The following CCDC34 variants were observed in gnomAD, a reference collection of about 807,000 sequenced individuals.
The protein encoded by CCDC34 is coiled-coil domain-containing protein 34.
CCDC34 carries 40 observed loss-of-function variants against 44.1 expected under a neutral mutation model. That is an observed-to-expected ratio of 0.91 (90% CI 0.70 to 1.18). CCDC34 has a LOEUF of 1.18. CCDC34 is among the 50% of genes most tolerant of loss of function. The pLI is 0.00. For synonymous variants in CCDC34, 159 were observed against 158.2 expected, an observed-to-expected ratio of 1.01 and a Z score of -0.04; for missense variants, 466 against 452.3, an observed-to-expected ratio of 1.03 and a Z score of -0.28.
rs773496815 is a variant in CCDC34 at position 27,341,461 on chromosome 11, T to G, written c.696A>C (p.Ala232=). 1.4e-6 allele frequency: 2 copies of G among 1,458,830 alleles called. No individual in the cohort carries two copies. Among genetic ancestry groups the G allele is most frequent in the Non-Finnish European group, 9.3e-7 (1 of 1,076,704 alleles). 90.4% of individuals were successfully genotyped at this position (1,458,830 alleles called of 1,614,324 possible). A position where few individuals can be genotyped will look rare whatever the true frequency, so the allele number is the denominator to read the frequency against. ...ELEKEYLQEK[A]KEKYQEWLKK... is the part of the protein sequence containing the mutation. ...TTAACCATTCTTGATATTTTTCTTT[T>G]GCTTTTTCTTGCAAGTATTCTTTCT... The change falls in exon 4 of 6, where the codon GCA becomes GCC. Residue 232 remains alanine (A), a synonymous_variant. Coordinates refer to ENST00000328697, the MANE Select transcript of CCDC34 (RefSeq NM_030771.2).
chr11:27,343,212 C>A (rs1862385875), intron 3 of CCDC34, among the ~76,000 whole-genome samples: 1 of 152,050 alleles, frequency 6.6e-6, no homozygotes, highest in Admixed American at 6.6e-5. Context: ...ACCAGGCTGG[C>A]CAACGTGGTG....
At chr11:27,360,977 TG>T (rs1365219216) in intron 1 of CCDC34, among the ~76,000 whole-genome samples, 3 of 152,222 alleles carry the variant, frequency 2.0e-5, no homozygotes, top group Non-Finnish European at 1.5e-5. Context: ...CTACCTTTCC[TG>T]AAAGGAAGTG....
chr11:27,356,882 TGGGGGTGGTGGGGTG>T (rs1862583599), intron 2 of CCDC34, among the ~76,000 whole-genome samples: 1 of 41,096 alleles, frequency 2.4e-5, no homozygotes, highest in African/African-American at 9.6e-5. Context: ...GGGGTGGGGT[TGGGGGTGGTGGGGTG>T]GGGTGGGGTT....
chr11:27,338,954 T>G lies in CCDC34; in HGVS notation c.989A>C (p.Lys330Thr), dbSNP rs768477519. Residue 330 changes from lysine to threonine, a missense_variant, in exon 6 of 6, where the codon AAA (lysine) becomes ACA (threonine). Lys to Thr is a moderately conservative substitution (Grantham distance 78, BLOSUM62 -1). Coordinates refer to ENST00000328697, the MANE Select transcript of CCDC34 (RefSeq NM_030771.2). The part of the protein sequence containing the change: ...PWKPIHMPPP[K>T]EAKDLSGRKS... ...CCTTCCTGATAGATCCTTAGCTTCT[T>G]TGGGAGGTGGCATATGAATTGGTTT... The G allele has an allele frequency of 6.2e-7, 1 of 1,613,906 alleles. No individual in the cohort carries two copies. Among genetic ancestry groups the G allele is most frequent in the Non-Finnish European group, 8.5e-7 (1 of 1,179,910 alleles).
intron 4 of CCDC34, among the ~76,000 whole-genome samples, chr11:27,341,107 G>C (rs2134228673): frequency 6.6e-6 from 1 of 152,294 alleles, no homozygotes; most frequent in East Asian, 1.9e-4. Context: ...TAAAATGGCA[G>C]TAAGACTTCC....
intron 3 of CCDC34, among the ~76,000 whole-genome samples, chr11:27,342,291 CTATATATATATA>C (rs34284661): frequency 7.2e-6 from 1 of 139,236 alleles, no homozygotes; most frequent in Admixed American, 7.4e-5. Context: ...AAAACAGGGG[CTATATATATATA>C]TATATATATA....
In CCDC34 at chr11:27,363,053, C is replaced by A. The variant is rs770585573; in HGVS notation, c.142G>T (p.Val48Leu). The change falls in exon 1 of 6, where the codon GTG becomes TTG. Residue 48 changes from valine (V) to leucine (L), a missense_variant. Coordinates refer to ENST00000328697, the MANE Select transcript of CCDC34 (RefSeq NM_030771.2). ...GGCAGCGGCGGCGACGGCGAGCGCA[C>A]CACCTCCAGCCCCTGCCCACGTGCG... ...TGARGQGLEV[V>L]RSPSPPLPLS... 6 of 1,613,378 alleles carry A rather than the reference C, an allele frequency of 3.7e-6. No homozygotes were observed. In the East Asian group the frequency reaches 8.9e-5, roughly 24 times the overall value.
chr11:27,360,929 A>G (rs946436638), intron 1 of CCDC34, among the ~76,000 whole-genome samples: 7 of 152,210 alleles, frequency 4.6e-5, no homozygotes, highest in Admixed American at 3.3e-4. Flanking sequence ...GAATGTTAGG[A>G]CCAATGGAGA....
intron 1 of CCDC34, among the ~76,000 whole-genome samples, chr11:27,357,743 A>C (rs888687236): frequency 6.6e-6 from 1 of 152,232 alleles, no homozygotes; most frequent in Non-Finnish European, 1.5e-5. Context: ...TTTACCTATC[A>C]AACTGCCTTT....
chr11:27,340,346 G>GA (rs1472416030), intron 5 of CCDC34, among the ~76,000 whole-genome samples: 1 of 152,190 alleles, frequency 6.6e-6, no homozygotes, highest in Non-Finnish European at 1.5e-5. Flanking sequence ...CTGCCTTAGA[G>GA]AGGGTTAGAA....
intron 2 of CCDC34, among the ~76,000 whole-genome samples, chr11:27,356,581 T>C (rs565650069): frequency 2.0e-5 from 3 of 151,902 alleles, no homozygotes; most frequent in East Asian, 2.0e-4. Flanking sequence ...ATAGTCTAGA[T>C]AGTGGGTTTA....
At chr11:27,358,958 A>ACCCC (rs71050907) in intron 1 of CCDC34, among the ~76,000 whole-genome samples, 4 of 88,172 alleles carry the variant, frequency 4.5e-5, no homozygotes, top group Admixed American at 1.4e-4. Context: ...CAACATGTGG[A>ACCCC]CCCCCCCCCC....
chr11:27,349,909 G>T, intron 3 of CCDC34: 1 of 1,016,516 alleles, frequency 9.8e-7, no homozygotes, highest in Non-Finnish European at 1.2e-6. Context: ...AAAAGGAGGA[G>T]ATGATTAGGA....
At chr11:27,350,475 T>C (rs767278483) in intron 2 of CCDC34, 36 bp from the exon 3 acceptor site, 9 of 1,535,278 alleles carry the variant, frequency 5.9e-6, no homozygotes, top group East Asian at 2.3e-5. Flanking sequence ...CAACATTTAA[T>C]AGAAGTACCC....
At chr11:27,342,112 C>T (rs1862368484) in intron 3 of CCDC34, among the ~76,000 whole-genome samples, 1 of 152,018 alleles carries the variant, frequency 6.6e-6, no homozygotes, top group Non-Finnish European at 1.5e-5. Flanking sequence ...AATTAAACTT[C>T]TTTCTTTTGT....
intron 1 of CCDC34, among the ~76,000 whole-genome samples, chr11:27,360,834 G>A (rs1439506936): frequency 6.6e-6 from 1 of 152,234 alleles, no homozygotes; most frequent in South Asian, 2.1e-4. Flanking sequence ...GAAGCACAGA[G>A]ATTAGCAATG....
At chr11:27,343,601 A>C (rs1164125149) in intron 3 of CCDC34, among the ~76,000 whole-genome samples, 1 of 152,178 alleles carries the variant, frequency 6.6e-6, no homozygotes, top group Admixed American at 6.6e-5. Context: ...CTTGGAGTAC[A>C]TCTTGCTTAA....
chr11:27,350,448 T>A lies in CCDC34; in HGVS notation c.499-9A>T, dbSNP rs1339029640. 6.3e-7 allele frequency: 1 copy of A among 1,586,258 alleles called. No individual in the cohort carries two copies. The highest frequency in any genetic ancestry group is 1.1e-5 in the South Asian group (1 of 87,660). ...AGTTGTTGATTTAATTCCTGTGGAT[T>A]TTATTTAGACAAAAGGCAACATTTA... is the stretch of plus-strand genomic sequence containing the variant. On this transcript the variant is annotated splice_polypyrimidine_tract_variant and intron_variant, in intron 2 of 5. Transcript: ENST00000328697.
intron 2 of CCDC34, among the ~76,000 whole-genome samples, chr11:27,350,956 T>C (rs904397140): frequency 1.3e-5 from 2 of 152,242 alleles, no homozygotes; most frequent in Non-Finnish European, 2.9e-5. Flanking sequence ...ACTGGTTTTA[T>C]AGCTGCTGAA....
Sources: gnomAD v4.1 joint callset for allele counts (sites outside exome capture counted in the v4.1 genomes callset) on GRCh38, gnomAD v4.1.1 for gene constraint, MANE v1.5 for transcripts, NCBI Gene and HGNC (gene_info 2026-07-23, HGNC 2026-07-21) for gene names.